The following STK32B variants were observed in gnomAD, a reference collection of about 807,000 sequenced individuals.
The protein encoded by STK32B is serine/threonine kinase 32B.
In STK32B, 43 loss-of-function variants were observed where a neutral mutation model predicts 52.6. The ratio of observed to expected loss-of-function variants is 0.82; its 90% CI spans 0.64 to 1.05. STK32B has a LOEUF of 1.05. Ranked by LOEUF, STK32B falls within the 50% of genes least tolerant of loss-of-function variation. The probability of loss-of-function intolerance (pLI) is 0.00; values close to 1 mark genes in which losing one functional copy is unlikely to be tolerated. For missense variants in STK32B, 621 were observed against 534.6 expected (o/e 1.16, Z -1.59); for synonymous variants, 238 against 204.3 (o/e 1.17, Z -1.41).
chr4:5,317,381 T>TTACATATATAA lies in STK32B; in HGVS notation c.261-13829_261-13828insATACATATATA, dbSNP rs1560313950. ...ATATAATGTATATGTATTATATATA[T>TTACATATATAA]TACATATATATAATATATATAATGT... On this transcript the variant is annotated intron_variant, in intron 3 of 11. Coordinates refer to ENST00000282908, the MANE Select transcript of STK32B (RefSeq NM_018401.3). Among the ~76,000 whole-genome samples, 24 of 81,982 alleles carry TTACATATATAA rather than the reference T, an allele frequency of 2.9e-4. 1 individual carries two copies. The highest frequency in any genetic ancestry group is 1.7e-3 in the African/African-American group (21 of 12,530). 53.8% of individuals were successfully genotyped at this position (81,982 alleles called of 152,430 possible).
chr4:5,278,314 C>T (rs1220076633), intron 3 of STK32B, among the ~76,000 whole-genome samples: 2 of 152,186 alleles, frequency 1.3e-5, no homozygotes, highest in African/African-American at 4.8e-5. Context: ...GGGTCTGAGC[C>T]AATGCTGCAG....
At chr4:5,403,787 T>C (rs1216639476) in intron 5 of STK32B, among the ~76,000 whole-genome samples, 1 of 152,038 alleles carries the variant, frequency 6.6e-6, no homozygotes, top group Non-Finnish European at 1.5e-5. Context: ...AAATTAGGCA[T>C]GTACTGCTTG....
At chr4:5,488,221 C>G (rs1277170582) in intron 11 of STK32B, among the ~76,000 whole-genome samples, 1 of 152,216 alleles carries the variant, frequency 6.6e-6, no homozygotes, top group Non-Finnish European at 1.5e-5. Context: ...TCACTTGAAC[C>G]CGGGAGGCAG....
At chr4:5,209,720 C>A (rs561077441) in intron 3 of STK32B, among the ~76,000 whole-genome samples, 2 of 152,308 alleles carry the variant, frequency 1.3e-5, no homozygotes, top group Admixed American at 1.3e-4. Flanking sequence ...TGTGTTAGAT[C>A]CCTCATGAAC....
chr4:5,084,112 A>G (rs989953088), intron 1 of STK32B, among the ~76,000 whole-genome samples: 1 of 152,040 alleles, frequency 6.6e-6, no homozygotes, highest in African/African-American at 2.4e-5. Flanking sequence ...TGTCCCTCCA[A>G]TCTCTGTATT....
intron 3 of STK32B, among the ~76,000 whole-genome samples, chr4:5,224,549 T>C (rs922039606): frequency 2.0e-5 from 3 of 152,232 alleles, no homozygotes; most frequent in African/African-American, 4.8e-5. Flanking sequence ...TGGCTTGATA[T>C]CACATATTTG....
Position 5,317,683 on chromosome 4 carries a change from G to A in STK32B, c.261-13537G>A, listed in dbSNP as rs1343541802. 2.7e-5 allele frequency among the ~76,000 whole-genome samples: 4 copies of A among 149,778 alleles called. No individual in the cohort carries two copies. The South Asian group carries it at 6.2e-4, about 23-fold the overall frequency. On this transcript the variant is annotated intron_variant, in intron 3 of 11. Transcript: ENST00000282908. Reference sequence around the variant, plus strand: ...GGATTCCAGGGAGGTCAGACAAGGTGCCATCTGCAAAGAGCTCCTATTCTT... The same window carrying A: ...GGATTCCAGGGAGGTCAGACAAGGTACCATCTGCAAAGAGCTCCTATTCTT...
At chr4:5,492,785 AG>A (rs1193304540) in intron 11 of STK32B, among the ~76,000 whole-genome samples, 4 of 151,450 alleles carry the variant, frequency 2.6e-5, no homozygotes, top group South Asian at 2.1e-4. Flanking sequence ...TTTAGCATGA[AG>A]GGTTGTTGAA....
At chr4:5,034,854 G>A in the STK32B span, among the ~76,000 whole-genome samples, 5 of 152,212 alleles carry the variant, frequency 3.3e-5, no homozygotes, top group Admixed American at 3.3e-4. Context: ...GGTCATAGAA[G>A]TCCTGGGGTA....
intron 1 of STK32B, among the ~76,000 whole-genome samples, chr4:5,063,253 C>G (rs1194975095): frequency 6.6e-6 from 1 of 152,154 alleles, no homozygotes; most frequent in East Asian, 1.9e-4. Flanking sequence ...CAGCACTGTT[C>G]TATAGAAATG....
At chr4:5,333,218 G>C (rs1388598440) in intron 4 of STK32B, among the ~76,000 whole-genome samples, 2 of 152,142 alleles carry the variant, frequency 1.3e-5, no homozygotes, top group Non-Finnish European at 2.9e-5. Flanking sequence ...TCTCATTGTG[G>C]TTTTGATTTG....
chr4:5,133,854 G>A (rs1715914695), intron 1 of STK32B, among the ~76,000 whole-genome samples: 1 of 152,092 alleles, frequency 6.6e-6, no homozygotes, highest in Admixed American at 6.5e-5. Flanking sequence ...TCCTGACTTG[G>A]GGATGCAGGC....
At chr4:5,492,395 A>G (rs1719814524) in intron 11 of STK32B, among the ~76,000 whole-genome samples, 1 of 152,158 alleles carries the variant, frequency 6.6e-6, no homozygotes, top group Admixed American at 6.6e-5. Context: ...TTGGTGTATA[A>G]GAATGCTTGT....
chr4:5,122,222 G>A (rs116428850), intron 1 of STK32B, among the ~76,000 whole-genome samples: 9,299 of 148,072 alleles, frequency 0.063, 921 homozygotes, highest in African/African-American at 0.23. Context: ...TCATTCACTC[G>A]CTTATTCACT....
chr4:5,100,239 C>T (rs1453758646), intron 1 of STK32B, among the ~76,000 whole-genome samples: 1 of 152,112 alleles, frequency 6.6e-6, no homozygotes, highest in African/African-American at 2.4e-5. Context: ...AGGAGGTGTT[C>T]AGATCAAGAG....
At chr4:5,403,906 G>A (rs1255380842) in intron 5 of STK32B, among the ~76,000 whole-genome samples, 2 of 152,092 alleles carry the variant, frequency 1.3e-5, no homozygotes, top group African/African-American at 2.4e-5. Flanking sequence ...AGCCAGTGGT[G>A]GATGTCTTGG....
intron 3 of STK32B, among the ~76,000 whole-genome samples, chr4:5,299,822 C>T (rs1729439038): frequency 1.3e-5 from 2 of 151,972 alleles, no homozygotes; most frequent in African/African-American, 2.4e-5. Context: ...CAAAAAGAGC[C>T]CTGGACCAGA....
chr4:5,383,139 G>A (rs1259441088), intron 4 of STK32B, among the ~76,000 whole-genome samples: 1 of 152,214 alleles, frequency 6.6e-6, no homozygotes, highest in Admixed American at 6.5e-5. Context: ...CCTGGGCCCT[G>A]CAGTCAGCCG....
chr4:5,044,655 C>T, the STK32B span, among the ~76,000 whole-genome samples: 10 of 152,292 alleles, frequency 6.6e-5, no homozygotes, highest in East Asian at 5.8e-4. Flanking sequence ...CCTGTCATTT[C>T]GGCACTTTGG....
Sources: gnomAD v4.1 joint callset for allele counts (sites outside exome capture counted in the v4.1 genomes callset) on GRCh38, gnomAD v4.1.1 for gene constraint, MANE v1.5 for transcripts, NCBI Gene and HGNC (gene_info 2026-07-23, HGNC 2026-07-21) for gene names.